Variants in COL25A1 observed in about 807,000 individuals in gnomAD.
The protein encoded by COL25A1 is collagen alpha-1(XXV) chain.
A neutral mutation model predicts 128.4 loss-of-function variants in COL25A1; 103 were observed. That is an observed-to-expected ratio of 0.80 (90% CI 0.68 to 0.94). The LOEUF is 0.94. Among genes scored for constraint, COL25A1 ranks in the 40% least tolerant of loss-of-function variants. COL25A1 has a pLI of 0.00. For missense variants in COL25A1, 745 were observed against 840.0 expected (o/e 0.89, Z 1.40); for synonymous variants, 279 against 277.2 (o/e 1.01, Z -0.06).
chr4:108,952,685 T>C (rs1212500173), intron 8 of COL25A1, among the ~76,000 whole-genome samples: 3 of 152,102 alleles, frequency 2.0e-5, no homozygotes, highest in African/African-American at 7.2e-5. Context: ...AACTTGAATA[T>C]ATCCTATCCA....
At chr4:109,117,478 A>C (rs1223403737) in intron 3 of COL25A1, among the ~76,000 whole-genome samples, 1 of 152,004 alleles carries the variant, frequency 6.6e-6, no homozygotes, top group African/African-American at 2.4e-5. Context: ...ATTTGCTGCC[A>C]GTGGAACCAC....
At chr4:108,959,253 GC>G (rs1750404292) in intron 8 of COL25A1, among the ~76,000 whole-genome samples, 1 of 151,982 alleles carries the variant, frequency 6.6e-6, no homozygotes, top group African/African-American at 2.4e-5. Flanking sequence ...AATGGTGCCA[GC>G]TTTTTAAATT....
intron 5 of COL25A1, among the ~76,000 whole-genome samples, chr4:109,029,857 G>T (rs1758664518): frequency 6.6e-6 from 1 of 151,956 alleles, no homozygotes; most frequent in South Asian, 2.1e-4. Flanking sequence ...ATAATTCTTA[G>T]ATATTATTGT....
intron 3 of COL25A1, among the ~76,000 whole-genome samples, chr4:109,184,935 C>T (rs1775000807): frequency 6.6e-6 from 1 of 152,176 alleles, no homozygotes. Context: ...TGGGGAATCC[C>T]ATCTCTTGAT....
chr4:109,111,611 G>A (rs575957358), intron 3 of COL25A1, among the ~76,000 whole-genome samples: 1 of 152,158 alleles, frequency 6.6e-6, no homozygotes, highest in Admixed American at 6.5e-5. Flanking sequence ...GTGGATAATG[G>A]CTGGACCTTC....
chr4:109,141,247 A>T lies in COL25A1; in HGVS notation c.368-91068T>A, dbSNP rs139165199. 2.0e-4 allele frequency among the ~76,000 whole-genome samples: 30 copies of T among 152,276 alleles called. No individual in the cohort carries two copies. The East Asian group carries it at 5.8e-3, about 29-fold the overall frequency. ...TGATGAATTATGTTTATTGATTTGC[A>T]TATGCTGAAACAGACTTGCATCCCA... On this transcript the variant is annotated intron_variant, in intron 3 of 37. Transcript: ENST00000399132.
chr4:108,937,685 T>C, intron 11 of COL25A1, 123 bp downstream of exon 11: 1 of 734,606 alleles, frequency 1.4e-6, no homozygotes. Context: ...ACTTTTAACT[T>C]TTACTAATTT....
In COL25A1 at chr4:108,985,335, C is replaced by T. The variant is rs865934028; in HGVS notation, c.439-10776G>A. 4.5e-4 allele frequency among the ~76,000 whole-genome samples: 68 copies of T among 152,292 alleles called. 1 individual carries two copies. The highest frequency in any genetic ancestry group is 1.6e-3 in the African/African-American group (66 of 41,562). On this transcript the variant is annotated intron_variant, in intron 6 of 37. Coordinates refer to ENST00000399132, the MANE Select transcript of COL25A1 (RefSeq NM_198721.4). ...TGGATTCTCCTCCATGCTCTTCGAA[C>T]ATGTTCTTTCACCCTCTCCTAAAGA...
chr4:108,907,628 G>A (rs60374148), intron 13 of COL25A1, among the ~76,000 whole-genome samples: 1 of 152,086 alleles, frequency 6.6e-6, no homozygotes. Context: ...CATTCAGAGA[G>A]AGGAAGTAAC....
At chr4:108,826,259 C>A (rs139094963) in intron 33 of COL25A1, among the ~76,000 whole-genome samples, 2,660 of 152,162 alleles carry the variant, frequency 0.017, 31 homozygotes, top group Non-Finnish European at 0.027. Context: ...ATTTTCAGGC[C>A]GGGCGCAGTG....
At chr4:108,929,492 G>A (rs78661313) in intron 11 of COL25A1, among the ~76,000 whole-genome samples, 1,570 of 151,982 alleles carry the variant, frequency 0.01, 30 homozygotes, top group African/African-American at 0.036. Context: ...TAGTTATAAC[G>A]TGCATATTTA....
At chr4:109,266,306 C>T (rs1344195931) in intron 3 of COL25A1, among the ~76,000 whole-genome samples, 2 of 152,114 alleles carry the variant, frequency 1.3e-5, no homozygotes, top group African/African-American at 2.4e-5. Context: ...GCTTGGCAGG[C>T]TATGGATGAA....
chr4:109,200,166 C>T (rs1776433430), intron 3 of COL25A1, among the ~76,000 whole-genome samples: 2 of 152,176 alleles, frequency 1.3e-5, no homozygotes, highest in Admixed American at 1.3e-4. Flanking sequence ...TTCCATCTTC[C>T]ATCGTCGAAG....
At chr4:109,283,214 T>G (rs2214376) in intron 3 of COL25A1, among the ~76,000 whole-genome samples, 40,998 of 152,004 alleles carry the variant, frequency 0.27, 9,233 homozygotes, top group African/African-American at 0.61. Flanking sequence ...TGCTATAGCT[T>G]AGTTGGGTCA....
At chr4:109,115,299 A>G (rs1767430083) in intron 3 of COL25A1, among the ~76,000 whole-genome samples, 1 of 152,098 alleles carries the variant, frequency 6.6e-6, no homozygotes, top group African/African-American at 2.4e-5. Context: ...GGCAGTGAGA[A>G]CTGCTATAGG....
At chr4:108,869,020 G>T in intron 20 of COL25A1, 68 bp downstream of exon 20, 1 of 922,800 alleles carries the variant, frequency 1.1e-6, no homozygotes, top group South Asian at 1.6e-5. Context: ...GAAAAGGAAA[G>T]GAAAGAAGGA....
intron 4 of COL25A1, among the ~76,000 whole-genome samples, chr4:109,049,710 G>T (rs901553599): frequency 6.6e-5 from 10 of 152,170 alleles, no homozygotes; most frequent in African/African-American, 2.4e-4. Context: ...TAACAACACA[G>T]CTTTCTAAGA....
chr4:109,300,516 G>T, intron 3 of COL25A1, 67 bp downstream of exon 3: 2 of 1,078,448 alleles, frequency 1.9e-6, no homozygotes, highest in Non-Finnish European at 1.4e-6. Context: ...AGACTTGACA[G>T]ACACAGGACC....
intron 3 of COL25A1, among the ~76,000 whole-genome samples, chr4:109,264,358 C>T (rs897909868): frequency 2.6e-5 from 4 of 152,196 alleles, no homozygotes; most frequent in Non-Finnish European, 4.4e-5. Flanking sequence ...AGAAAGAACA[C>T]TCTGGGTATG....
Sources: allele counts gnomAD v4.1 joint callset (sites outside exome capture counted in the v4.1 genomes callset), GRCh38; gene constraint gnomAD v4.1.1; transcripts MANE v1.5; gene names NCBI Gene and HGNC (gene_info 2026-07-23, HGNC 2026-07-21).